Variants in EVI5 observed in about 807,000 individuals in gnomAD.
EVI5 encodes ecotropic viral integration site 5 protein homolog.
A neutral mutation model predicts 112.0 loss-of-function variants in EVI5; 73 were observed. The ratio of observed to expected loss-of-function variants is 0.65; its 90% confidence interval spans 0.54 to 0.79. The LOEUF (loss-of-function observed/expected upper bound fraction) is 0.79. Among genes scored for constraint, EVI5 ranks in the 30% least tolerant of loss-of-function variants. The pLI is 0.00. For synonymous variants in EVI5, 305 were observed against 319.9 expected (o/e 0.95, Z 0.50); for missense variants, 900 against 968.8 (o/e 0.93, Z 0.94).
At chr1:92,792,385 T>C in exon 1 of EVI5, 3 of 1,610,534 alleles carry the variant, frequency 1.9e-6, no homozygotes, top group Non-Finnish European at 2.5e-6. Flanking sequence ...GTCATTTTGT[T>C]GGTAACCATG....
intron 18 of EVI5, among the ~76,000 whole-genome samples, chr1:92,573,714 T>C (rs969276297): frequency 3.3e-5 from 5 of 152,128 alleles, no homozygotes; most frequent in Non-Finnish European, 5.9e-5. Flanking sequence ...CAGTTCCCTG[T>C]CTACAGAGGT....
At chr1:92,716,949 A>C (rs971936144) in intron 2 of EVI5, among the ~76,000 whole-genome samples, 48 of 152,128 alleles carry the variant, frequency 3.2e-4, no homozygotes, top group African/African-American at 1.1e-3. Context: ...AGATGACAGA[A>C]ATAGGCTTCA....
chr1:92,753,180 A>T lies in EVI5; in HGVS notation c.-81-16553T>A, dbSNP rs6683733. On this transcript the variant is annotated intron_variant, in intron 1 of 19. Transcript: ENST00000684568. ...ATGTACAAAGGCCCTGAAGAACTGA[A>T]TATTTTGATGGGTTAAAAACCACTC... 8.5e-3 allele frequency among the ~76,000 whole-genome samples: 1,301 copies of T among 152,226 alleles called. 18 individuals carry two copies. Among genetic ancestry groups the T allele is most frequent in the African/African-American group, 0.03 (1,246 of 41,544 alleles).
At chr1:92,715,873 G>GAT (rs1227589110) in intron 2 of EVI5, among the ~76,000 whole-genome samples, 7 of 152,224 alleles carry the variant, frequency 4.6e-5, no homozygotes, top group African/African-American at 1.7e-4. Flanking sequence ...TCAGCAGTCT[G>GAT]ATATCGACCT....
chr1:92,762,729 C>A (rs1430331637), intron 1 of EVI5, among the ~76,000 whole-genome samples: 1 of 152,168 alleles, frequency 6.6e-6, no homozygotes, highest in Non-Finnish European at 1.5e-5. Flanking sequence ...AAATTCCCAA[C>A]TCCTCTGAAA....
Position 92,736,566 on chromosome 1 carries a change from A to G in EVI5, c.-20T>C. The G allele has an allele frequency of 6.2e-7, 1 of 1,614,108 alleles. No individual in the cohort carries two copies. The highest frequency in any genetic ancestry group is 8.5e-7 in the Non-Finnish European group (1 of 1,179,962). ...GGCCATCTGACTGACTGTATGCGATACTGTGTTCTTCACCCATGAGAGAGT... is the reference window on the plus strand; with the variant it reads ...GGCCATCTGACTGACTGTATGCGATGCTGTGTTCTTCACCCATGAGAGAGT... On this transcript the variant is annotated 5_prime_UTR_variant, in exon 2 of 20. Transcript: ENST00000684568.
chr1:92,624,402 C>A (rs112647994), intron 15 of EVI5, 68 bp from the exon 16 acceptor site: 30 of 1,314,194 alleles, frequency 2.3e-5, no homozygotes, highest in Non-Finnish European at 2.9e-5. Flanking sequence ...TATTACTGAG[C>A]GCTTATTTCA....
intron 19 of EVI5, among the ~76,000 whole-genome samples, chr1:92,557,144 G>A (rs895812422): frequency 5.9e-5 from 9 of 152,132 alleles, no homozygotes; most frequent in African/African-American, 1.9e-4. Flanking sequence ...GACCTTCTGG[G>A]TAGTAGAAAC....
intron 2 of EVI5, among the ~76,000 whole-genome samples, chr1:92,705,826 T>C (rs1671871229): frequency 6.6e-6 from 1 of 152,106 alleles, no homozygotes; most frequent in Non-Finnish European, 1.5e-5. Flanking sequence ...ATTCATAAAA[T>C]ACAAAAGCTG....
chr1:92,681,681 A>C (rs148430943), intron 9 of EVI5, among the ~76,000 whole-genome samples: 1 of 152,326 alleles, frequency 6.6e-6, no homozygotes, highest in East Asian at 1.9e-4. Context: ...AGATGTGGAA[A>C]AAGTCTGGCC....
chr1:92,727,504 T>C (rs1218931695), intron 2 of EVI5, among the ~76,000 whole-genome samples: 2 of 152,184 alleles, frequency 1.3e-5, no homozygotes, highest in Non-Finnish European at 2.9e-5. Flanking sequence ...ATGAGTCTGA[T>C]TTATCCCAGA....
intron 19 of EVI5, among the ~76,000 whole-genome samples, chr1:92,529,710 A>T (rs969325279): frequency 1.5e-4 from 23 of 152,194 alleles, no homozygotes; most frequent in Admixed American, 1.3e-3. Context: ...TCCCTAATCC[A>T]ATAACAAAAT....
At chr1:92,704,794 G>A in intron 2 of EVI5, 50 bp from the exon 3 acceptor site, 1 of 842,748 alleles carries the variant, frequency 1.2e-6, no homozygotes, top group South Asian at 2.6e-5. Flanking sequence ...AGTGATATTA[G>A]AAGAGGCATT....
intron 2 of EVI5, among the ~76,000 whole-genome samples, chr1:92,717,809 G>T (rs147029470): frequency 1.3e-5 from 2 of 151,846 alleles, no homozygotes; most frequent in East Asian, 3.9e-4. Context: ...CATCTCACGT[G>T]CAAAGACGCA....
chr1:92,698,370 T>C (rs1670634867), intron 5 of EVI5, among the ~76,000 whole-genome samples: 1 of 152,172 alleles, frequency 6.6e-6, no homozygotes, highest in Non-Finnish European at 1.5e-5. Flanking sequence ...ATAAATCAAC[T>C]AATATATATG....
chr1:92,574,773 C>T (rs1670799927), intron 18 of EVI5, among the ~76,000 whole-genome samples: 1 of 152,010 alleles, frequency 6.6e-6, no homozygotes, highest in Non-Finnish European at 1.5e-5. Context: ...TTAAAACATA[C>T]AATAAACTGT....
At chr1:92,742,322 G>GTAGC (rs1454697415) in intron 1 of EVI5, among the ~76,000 whole-genome samples, 17 of 152,094 alleles carry the variant, frequency 1.1e-4, no homozygotes, top group Admixed American at 1.1e-3. Flanking sequence ...AGCCTCCTGA[G>GTAGC]TAGCTGGTAC....
At chr1:92,558,866 C>G (rs1303117041) in intron 19 of EVI5, among the ~76,000 whole-genome samples, 1 of 147,724 alleles carries the variant, frequency 6.8e-6, no homozygotes. Context: ...CAAAACAAAA[C>G]AAAACAAAAA....
chr1:92,712,022 C>T (rs1345743927), intron 2 of EVI5, among the ~76,000 whole-genome samples: 2 of 152,146 alleles, frequency 1.3e-5, no homozygotes, highest in African/African-American at 4.8e-5. Flanking sequence ...CTTATAACCA[C>T]ACTAATCCCA....
Sources: gnomAD v4.1 joint callset for allele counts (sites outside exome capture counted in the v4.1 genomes callset) on GRCh38, gnomAD v4.1.1 for gene constraint, MANE v1.5 for transcripts, NCBI Gene and HGNC (gene_info 2026-07-23, HGNC 2026-07-21) for gene names.